WDFY4: variants seen among roughly 807,000 people sequenced by gnomAD.
WDFY4 encodes the protein WDFY family member 4.
In WDFY4, 169 loss-of-function variants were observed where a neutral mutation model predicts 351.9. That is an observed-to-expected ratio of 0.48 (90% CI 0.42 to 0.55). The LOEUF (loss-of-function observed/expected upper bound fraction) is 0.55, where lower values mean the gene tolerates loss of function less well. Among genes scored for constraint, WDFY4 ranks in the 20% least tolerant of loss-of-function variants. The probability of loss-of-function intolerance (pLI) is 0.00; values close to 1 mark genes in which losing one functional copy is unlikely to be tolerated. For missense variants in WDFY4, 3,803 were observed against 3,935.6 expected (o/e 0.97, Z 0.90); for synonymous variants, 1,622 against 1,574.6 (o/e 1.03, Z -0.71).
chr10:48,964,474 G>C (rs1023592135), intron 54 of WDFY4, among the ~76,000 whole-genome samples: 2 of 152,234 alleles, frequency 1.3e-5, no homozygotes, highest in Non-Finnish European at 1.5e-5. Context: ...TCTGGATATA[G>C]AGAGTATTCT....
In WDFY4 at chr10:48,800,741, T is replaced by G. The variant is rs547519539; in HGVS notation, c.4411-2545T>G. On this transcript the variant is annotated intron_variant, in intron 24 of 61. Coordinates refer to ENST00000325239, the MANE Select transcript of WDFY4 (RefSeq NM_001394531.1). The stretch of plus-strand genomic sequence containing the variant: ...TTCTTTCATTCTTTCTTTTTTTTTT[T>G]TTTTGTTTTGAGATGAGGTCTCACT... 2.0e-4 allele frequency among the ~76,000 whole-genome samples: 30 copies of G among 147,880 alleles called. No homozygotes were observed. In the South Asian group the frequency reaches 6.1e-3, roughly 30 times the overall value.
Position 48,723,448 on chromosome 10 carries a change from G to T in WDFY4, c.472G>T (p.Val158Phe), listed in dbSNP as rs1589455691. ...TCTCTTGCAGGAGACGCTGGGCAGG[G>T]TTGCTGAGTCTGGGCTTCCAGCCCT... Reference protein sequence around the residue: ...TGTDSETLGRVAESGLPALLL... With the variant: ...TGTDSETLGRFAESGLPALLL... Residue 158 changes from valine to phenylalanine, a missense_variant, in exon 5 of 62, where the codon GTT becomes TTT. Val to Phe is a conservative substitution (Grantham distance 50). This residue lies in a region of WDFY4 where 488 missense variants were observed against 456.8 expected (regional missense o/e 1.07). Coordinates refer to ENST00000325239, the MANE Select transcript of WDFY4 (RefSeq NM_001394531.1). 1.9e-6 allele frequency: 3 copies of T among 1,550,142 alleles called. No homozygotes were observed. Among genetic ancestry groups the T allele is most frequent in the Non-Finnish European group, 2.6e-6 (3 of 1,146,964 alleles).
chr10:48,745,790 T>C, intron 12 of WDFY4: 1 of 417,284 alleles, frequency 2.4e-6, no homozygotes. Context: ...GAAACACCCA[T>C]CTAGTTTTCC....
intron 39 of WDFY4, among the ~76,000 whole-genome samples, chr10:48,840,296 A>C (rs574884109): frequency 2.3e-4 from 35 of 152,118 alleles, no homozygotes; most frequent in Non-Finnish European, 4.1e-4. Flanking sequence ...ACACTGCAGC[A>C]TCAGGGAAAT....
chr10:48,976,673 C>A (rs1351935770), intron 58 of WDFY4, 124 bp from the exon 59 acceptor site: 16 of 897,240 alleles, frequency 1.8e-5, no homozygotes, highest in Middle Eastern at 7.6e-4. Flanking sequence ...TTTTGGGGTA[C>A]CTTGGGGGTC....
chr10:48,804,125 AG>A (rs1431790443), intron 25 of WDFY4, among the ~76,000 whole-genome samples: 1 of 152,210 alleles, frequency 6.6e-6, no homozygotes, highest in Non-Finnish European at 1.5e-5. Flanking sequence ...TAGTTCCCAA[AG>A]GGAGCCAGGG....
intron 2 of WDFY4, among the ~76,000 whole-genome samples, chr10:48,711,121 C>A (rs1173387675): frequency 2.0e-5 from 3 of 152,180 alleles, no homozygotes; most frequent in Non-Finnish European, 2.9e-5. Flanking sequence ...AATATATTTC[C>A]TCTAACTTAT....
intron 12 of WDFY4, among the ~76,000 whole-genome samples, chr10:48,746,957 A>G (rs1287854330): frequency 6.6e-6 from 1 of 152,128 alleles, no homozygotes; most frequent in Non-Finnish European, 1.5e-5. Flanking sequence ...CATGCTTTCA[A>G]TGTCTGTGCT....
chr10:48,765,753 G>C (rs755387302), intron 13 of WDFY4, among the ~76,000 whole-genome samples: 87 of 152,108 alleles, frequency 5.7e-4, no homozygotes, highest in Non-Finnish European at 1.1e-3. Context: ...TTACAGAAAG[G>C]CAATGGCACA....
At chr10:48,731,648 G>A in intron 9 of WDFY4, 86 bp downstream of exon 9, 1 of 1,410,368 alleles carries the variant, frequency 7.1e-7, no homozygotes, top group Non-Finnish European at 9.4e-7. Flanking sequence ...CCCATCAAAT[G>A]CAACAGAAAG....
chr10:48,775,680 C>A, intron 14 of WDFY4, 32 bp from the exon 15 acceptor site: 1 of 1,537,256 alleles, frequency 6.5e-7, no homozygotes, highest in Non-Finnish European at 8.8e-7. Flanking sequence ...AGTAAAATGT[C>A]TTCATTTTTT....
At chr10:48,691,457 G>A (rs549927974) in intron 1 of WDFY4, among the ~76,000 whole-genome samples, 5 of 152,214 alleles carry the variant, frequency 3.3e-5, no homozygotes, top group East Asian at 1.9e-4. Context: ...CTCCTGTCAC[G>A]CTGCTCCCCT....
chr10:48,839,556 A>T (rs1183993095), intron 39 of WDFY4, among the ~76,000 whole-genome samples: 2 of 151,928 alleles, frequency 1.3e-5, no homozygotes, highest in Non-Finnish European at 2.9e-5. Flanking sequence ...AGATCTTGTG[A>T]TAGGTTCTTA....
At position 48,820,457 on chromosome 10, in the gene WDFY4, A is replaced by T; in HGVS notation, c.5709+20A>T. 6.5e-7 allele frequency: 1 copy of T among 1,549,864 alleles called. No individual in the cohort carries two copies. The highest frequency in any genetic ancestry group is 1.2e-5 in the South Asian group (1 of 84,000). ...CTGGAGGTGGGTTGGAAAAGGTGAC[A>T]TTGGGCCATGTGCTGTGGAGGCTGC... is the stretch of plus-strand genomic sequence containing the variant. On this transcript the variant is annotated intron_variant, in intron 33 of 61. Coordinates refer to ENST00000325239, the MANE Select transcript of WDFY4 (RefSeq NM_001394531.1).
chr10:48,982,163 A>G (rs1842837397), intron 61 of WDFY4, among the ~76,000 whole-genome samples: 1 of 152,194 alleles, frequency 6.6e-6, no homozygotes, highest in Non-Finnish European at 1.5e-5. Context: ...CACTTTTTGC[A>G]GAGAACTTGC....
intron 42 of WDFY4, 64 bp from the exon 43 acceptor site, chr10:48,876,969 G>A: frequency 1.4e-6 from 2 of 1,418,728 alleles, no homozygotes; most frequent in Non-Finnish European, 9.3e-7. Flanking sequence ...CACATGCTGT[G>A]CACCGGCCCT....
rs1200975249 is a variant in WDFY4 at position 48,923,512 on chromosome 10, A to G, written c.7587-18294A>G. On this transcript the variant is annotated intron_variant, in intron 47 of 61. Coordinates refer to ENST00000325239, the MANE Select transcript of WDFY4 (RefSeq NM_001394531.1). ...TAGTTTTTAGTATATATATATATAT[A>G]TGTCCCAAATACCGCATAGTCCTGT... Among the ~76,000 whole-genome samples the G allele has an allele frequency of 1.4e-5, 2 of 146,386 alleles. 1 individual carries two copies. The highest frequency in any genetic ancestry group is 3.0e-5 in the Non-Finnish European group (2 of 66,630).
Position 48,936,852 on chromosome 10 carries a change from GA to G in WDFY4, c.7587-4945del, listed in dbSNP as rs563247937. ...GACTCCGTCTCAAAAAAAAAAAAAA[GA>G]AAAAAAAAGAAAATTAAAAGTGCTC... On this transcript the variant is annotated intron_variant, in intron 47 of 61. Coordinates refer to ENST00000325239, the MANE Select transcript of WDFY4 (RefSeq NM_001394531.1). Among the ~76,000 whole-genome samples, 446 of 142,572 alleles carry G rather than the reference GA, an allele frequency of 3.1e-3. 3 individuals carry two copies. Among genetic ancestry groups the G allele is most frequent in the African/African-American group, 0.011 (418 of 38,998 alleles). 93.5% of individuals were successfully genotyped at this position (142,572 alleles called of 152,430 possible).
chr10:48,966,674 G>A lies in WDFY4; in HGVS notation c.8584+1G>A. On this transcript the variant is annotated splice_donor_variant, in intron 55 of 61. Coordinates refer to ENST00000325239, the MANE Select transcript of WDFY4 (RefSeq NM_001394531.1). LOFTEE classifies it high-confidence loss of function. Reference sequence around the variant, plus strand: ...AGGCCCTCCCAGGTCACGGTCAAAGGTGATTCCCTGGCCATGCATTGTTTG... The same window carrying A: ...AGGCCCTCCCAGGTCACGGTCAAAGATGATTCCCTGGCCATGCATTGTTTG... 1 of 1,551,164 alleles carries A rather than the reference G, an allele frequency of 6.4e-7. No individual in the cohort carries two copies. The highest frequency in any genetic ancestry group is 8.7e-7 in the Non-Finnish European group (1 of 1,146,768).
Sources: gnomAD v4.1 joint callset for allele counts (sites outside exome capture counted in the v4.1 genomes callset) on GRCh38, gnomAD v4.1.1 for gene constraint, gnomAD v4.1.1 regional missense constraint, MANE v1.5 for transcripts, NCBI Gene and HGNC (gene_info 2026-07-23, HGNC 2026-07-21) for gene names.